ACTR3C: variants seen among roughly 807,000 people sequenced by gnomAD.
ACTR3C encodes the protein actin-related protein 3C.
In ACTR3C, 18 loss-of-function variants were observed where a neutral mutation model predicts 26.3. The observed-to-expected ratio is 0.68, with a 90% CI of 0.47 to 1.01. The LOEUF (loss-of-function observed/expected upper bound fraction) is 1.01, where lower values mean the gene tolerates loss of function less well. Ranked by LOEUF, ACTR3C falls within the 50% of genes least tolerant of loss-of-function variation. The probability of loss-of-function intolerance (pLI) is 0.00; values close to 1 mark genes in which losing one functional copy is unlikely to be tolerated. For synonymous variants in ACTR3C, 55 were observed against 94.5 expected (o/e 0.58, Z 2.42); for missense variants, 184 against 250.7 (o/e 0.73, Z 1.80).
downstream of ACTR3C, among the ~76,000 whole-genome samples, chr7:150,243,070 C>T (rs994477033): frequency 6.6e-6 from 1 of 152,178 alleles, no homozygotes; most frequent in Non-Finnish European, 1.5e-5. Flanking sequence ...TTACTGTGTG[C>T]TCTGTACCAT....
the ACTR3C span, among the ~76,000 whole-genome samples, chr7:150,125,412 A>C: frequency 6.8e-6 from 1 of 147,584 alleles, no homozygotes; most frequent in Non-Finnish European, 1.5e-5. Flanking sequence ...GTTTTGGTAA[A>C]ATTTCTCTAA....
chr7:149,936,428 AC>A, the ACTR3C span, among the ~76,000 whole-genome samples: 1 of 152,188 alleles, frequency 6.6e-6, no homozygotes, highest in Non-Finnish European at 1.5e-5. Context: ...TACAATGTAG[AC>A]CACACAAGCA....
chr7:150,034,829 C>CA, the ACTR3C span, among the ~76,000 whole-genome samples: 1 of 144,930 alleles, frequency 6.9e-6, no homozygotes, highest in African/African-American at 2.7e-5. Context: ...GTGCCTCCCC[C>CA]CTCTGCGATG....
the ACTR3C span, among the ~76,000 whole-genome samples, chr7:149,937,201 TACA>T: frequency 1.1e-5 from 1 of 87,442 alleles, no homozygotes; most frequent in Non-Finnish European, 2.3e-5. Flanking sequence ...CGCTTTGTGC[TACA>T]AATTCTTTAT....
At chr7:149,887,161 AAAAG>A in the ACTR3C span, among the ~76,000 whole-genome samples, 1 of 152,192 alleles carries the variant, frequency 6.6e-6, no homozygotes. Context: ...AAGAAAGAAA[AAAAG>A]AAATCCAGAG....
the ACTR3C span, among the ~76,000 whole-genome samples, chr7:150,140,960 C>G: frequency 6.6e-6 from 1 of 152,226 alleles, no homozygotes; most frequent in African/African-American, 2.4e-5. Flanking sequence ...TTATTGCTGA[C>G]ATGAAGAAAC....
At chr7:150,036,228 T>C in the ACTR3C span, among the ~76,000 whole-genome samples, 1 of 146,134 alleles carries the variant, frequency 6.8e-6, no homozygotes, top group Admixed American at 6.7e-5. Context: ...CATCACAAAA[T>C]GGGGGGCCTT....
At chr7:149,986,295 T>C in the ACTR3C span, among the ~76,000 whole-genome samples, 1 of 152,240 alleles carries the variant, frequency 6.6e-6, no homozygotes, top group African/African-American at 2.4e-5. Flanking sequence ...TGGAAGTTTG[T>C]GGTCTCCCTT....
the ACTR3C span, among the ~76,000 whole-genome samples, chr7:150,006,086 A>T: frequency 6.6e-6 from 1 of 152,048 alleles, no homozygotes; most frequent in East Asian, 1.9e-4. Context: ...GTGAGTGCCC[A>T]CTGATCACAG....
the ACTR3C span, among the ~76,000 whole-genome samples, chr7:150,111,731 G>C: frequency 7.5e-6 from 1 of 133,370 alleles, no homozygotes; most frequent in Non-Finnish European, 1.6e-5. Flanking sequence ...GCAGCACCTC[G>C]CGGGCGCTGT....
chr7:150,161,900 G>A, the ACTR3C span, among the ~76,000 whole-genome samples: 2,700 of 151,818 alleles, frequency 0.018, 57 homozygotes, highest in African/African-American at 0.062. Flanking sequence ...TACTCTCTGC[G>A]GGGCCCTTGG....
At chr7:149,936,632 C>T in the ACTR3C span, among the ~76,000 whole-genome samples, 433 of 152,234 alleles carry the variant, frequency 2.8e-3, 6 homozygotes, top group African/African-American at 0.01. Context: ...GACTGTGGCT[C>T]CATTTATACA....
chr7:150,016,155 T>C, the ACTR3C span, among the ~76,000 whole-genome samples: 1 of 152,142 alleles, frequency 6.6e-6, no homozygotes, highest in Non-Finnish European at 1.5e-5. Context: ...CCCAGCATAC[T>C]GGCTCATTCG....
chr7:150,156,049 C>T, the ACTR3C span, among the ~76,000 whole-genome samples: 2 of 151,392 alleles, frequency 1.3e-5, no homozygotes, highest in Admixed American at 6.6e-5. Context: ...TTAACTCGGG[C>T]CTTGCAGGGA....
chr7:150,064,649 TACACACACAC>T, the ACTR3C span, among the ~76,000 whole-genome samples: 40 of 145,244 alleles, frequency 2.8e-4, 1 homozygote, highest in African/African-American at 6.9e-4. Flanking sequence ...TATTTTCACA[TACACACACAC>T]ACACACACAC....
the ACTR3C span, among the ~76,000 whole-genome samples, chr7:150,143,134 A>G: frequency 6.6e-6 from 1 of 152,154 alleles, no homozygotes; most frequent in Admixed American, 6.5e-5. Context: ...GCCCAACCCC[A>G]ATACCTATTT....
At chr7:149,949,389 A>AGGAG in the ACTR3C span, among the ~76,000 whole-genome samples, 1 of 109,692 alleles carries the variant, frequency 9.1e-6, no homozygotes, top group Non-Finnish European at 1.8e-5. Context: ...AAAGGAAGGA[A>AGGAG]GGAGGGAAGG....
At chr7:150,232,155 C>G in the ACTR3C span, among the ~76,000 whole-genome samples, 2 of 152,162 alleles carry the variant, frequency 1.3e-5, no homozygotes, top group Admixed American at 6.5e-5. Context: ...TCTTGCTCTG[C>G]TATCTTCTTT....
chr7:150,254,706 G>A (rs968633587), intron 6 of ACTR3C, among the ~76,000 whole-genome samples: 2 of 151,982 alleles, frequency 1.3e-5, no homozygotes, highest in African/African-American at 2.4e-5. Context: ...CATCATTTCA[G>A]TTGCTCAGGC....
Sources: allele counts gnomAD v4.1 joint callset (sites outside exome capture counted in the v4.1 genomes callset), GRCh38; gene constraint gnomAD v4.1.1; transcripts MANE v1.5; gene names NCBI Gene and HGNC (gene_info 2026-07-23, HGNC 2026-07-21).